The following STAR variants were observed in gnomAD, a reference collection of about 807,000 sequenced individuals.
The protein encoded by STAR is steroidogenic acute regulatory protein, mitochondrial.
Under a neutral mutation model 32.3 loss-of-function variants are expected in STAR, and 32 were observed. The observed-to-expected ratio is 0.99, with a 90% confidence interval of 0.75 to 1.33. The LOEUF is 1.33. STAR is among the 40% of genes most tolerant of loss of function. The pLI, the probability that STAR is intolerant of heterozygous loss-of-function variation, is 0.00. For missense variants in STAR, 375 were observed against 379.0 expected, an observed-to-expected ratio of 0.99 and a Z score of 0.09; for synonymous variants, 134 against 140.5, an observed-to-expected ratio of 0.95 and a Z score of 0.33.
At chr8:38,146,738 G>A (rs956248243) in intron 3 of STAR, among the ~76,000 whole-genome samples, 18 of 151,098 alleles carry the variant, frequency 1.2e-4, no homozygotes, top group Non-Finnish European at 1.9e-4. Context: ...TTGCACCACT[G>A]CACTCCAGCC....
intron 3 of STAR, among the ~76,000 whole-genome samples, chr8:38,147,010 G>A (rs1802586902): frequency 6.7e-6 from 1 of 149,442 alleles, no homozygotes; most frequent in African/African-American, 2.5e-5. Context: ...TTTTTTTTGA[G>A]ACCGTCTCAC....
intron 1 of STAR, among the ~76,000 whole-genome samples, chr8:38,149,473 C>T (rs35859573): frequency 0.018 from 2,788 of 152,292 alleles, 43 homozygotes; most frequent in Middle Eastern, 0.031. Flanking sequence ...CTGGTTTCTG[C>T]CCCTTCCTGG....
Position 38,145,331 on chromosome 8 carries a change from G to A in STAR, c.651-16C>T, listed in dbSNP as rs1361943919. 5 of 1,614,050 alleles carry A rather than the reference G, an allele frequency of 3.1e-6. No individual in the cohort carries two copies. Among genetic ancestry groups the A allele is most frequent in the African/African-American group, 2.7e-5 (2 of 75,068 alleles). On this transcript the variant is annotated splice_polypyrimidine_tract_variant and intron_variant, in intron 5 of 6. Coordinates refer to ENST00000276449, the MANE Select transcript of STAR (RefSeq NM_000349.3). ...GTGCTCCGCCCTGGCAAATGGAGAA[G>A]TCAAGTCAGGAGGACAGTTGCGAGT...
chr8:38,145,028 A>G (rs903700935), intron 6 of STAR, 194 bp downstream of exon 6: 2 of 1,354,346 alleles, frequency 1.5e-6, no homozygotes, highest in African/African-American at 1.6e-5. Flanking sequence ...AAAAAAAAAA[A>G]AGAAGAGGGG....
intron 5 of STAR, 41 bp downstream of exon 5, chr8:38,145,922 G>A: frequency 6.2e-7 from 1 of 1,611,716 alleles, no homozygotes; most frequent in Non-Finnish European, 8.5e-7. Context: ...CTGCAGGCCT[G>A]TGTTAGAAGA....
At chr8:38,149,459 G>A (rs766717086) in intron 1 of STAR, among the ~76,000 whole-genome samples, 1 of 152,190 alleles carries the variant, frequency 6.6e-6, no homozygotes, top group Admixed American at 6.5e-5. Context: ...GTGGCCTCTT[G>A]TAGCTGGTTT....
At chr8:38,145,733 A>T in intron 5 of STAR, 1 of 615,246 alleles carries the variant, frequency 1.6e-6, no homozygotes, top group East Asian at 2.8e-5. Flanking sequence ...GAAAATTATT[A>T]AGGTTCTTAA....
At chr8:38,145,862 G>A in intron 5 of STAR, 101 bp downstream of exon 5, 1 of 1,453,110 alleles carries the variant, frequency 6.9e-7, no homozygotes, top group Non-Finnish European at 9.6e-7. Context: ...GGTGCACCAA[G>A]GGTTGGTTTC....
Position 38,145,979 on chromosome 8 carries a change from G to GC in STAR, c.633dup (p.Gln212AlafsTer25). ...CCGTATTACCTGATGACACCCTTCT[G>GC]CTCAGGCATGTTCCCGAAGTCTGTG... is the stretch of plus-strand genomic sequence containing the variant. On this transcript the variant is annotated frameshift_variant, in exon 5 of 7. Transcript: ENST00000276449. LOFTEE classifies it high-confidence loss of function. The GC allele has an allele frequency of 6.2e-7, 1 of 1,614,106 alleles. No individual in the cohort carries two copies. Among genetic ancestry groups the GC allele is most frequent in the South Asian group, 1.1e-5 (1 of 91,082 alleles).
At chr8:38,146,608 T>G (rs1233632728) in intron 3 of STAR, among the ~76,000 whole-genome samples, 161 bp from the exon 4 acceptor site, 1 of 151,988 alleles carries the variant, frequency 6.6e-6, no homozygotes, top group Non-Finnish European at 1.5e-5. Context: ...AAACCCCGTC[T>G]CTACTAAAAC....
In STAR at chr8:38,146,069, G is replaced by A. The variant is rs369232492; in HGVS notation, c.544C>T (p.Arg182Cys). 33 of 1,614,098 alleles carry A rather than the reference G, an allele frequency of 2.0e-5. No homozygotes were observed. Among genetic ancestry groups the A allele is most frequent in the Non-Finnish European group, 2.5e-5 (29 of 1,180,042 alleles). ...GCACAGCGCACGCTCACAAAGTCAC[G>A]GGGCCCCACCAGGTTTCCTGCTGCC... is the stretch of plus-strand genomic sequence containing the variant. ...AEAAGNLVGP[R>C]DFVSVRCAKR... is the part of the protein sequence containing the mutation. The change falls in exon 5 of 7, where the codon CGT (arginine) becomes TGT (cysteine). Residue 182 changes from arginine to cysteine, a missense_variant. Physicochemically the swap from Arg to Cys is radical, Grantham distance 180 (BLOSUM62 -3). Coordinates refer to ENST00000276449, the MANE Select transcript of STAR (RefSeq NM_000349.3).
intron 1 of STAR, 65 bp downstream of exon 1, chr8:38,150,690 G>C (rs1409621155): frequency 1.9e-6 from 3 of 1,600,780 alleles, no homozygotes; most frequent in Non-Finnish European, 2.5e-6. Flanking sequence ...TCAGAATTGG[G>C]TGGCCTGAGC....
chr8:38,150,494 A>G (rs962342086), intron 1 of STAR, among the ~76,000 whole-genome samples: 2 of 152,090 alleles, frequency 1.3e-5, no homozygotes, highest in African/African-American at 4.8e-5. Flanking sequence ...GGGAAGGAAG[A>G]AAGAAAAAGA....
chr8:38,144,901 C>G (rs1427276288), intron 6 of STAR: 11 of 832,908 alleles, frequency 1.3e-5, no homozygotes, highest in Non-Finnish European at 1.8e-5. Context: ...TCCAGCTACT[C>G]AGGAGGCTGA....
At chr8:38,145,681 C>T (rs1470012808) in intron 5 of STAR, 3 of 571,396 alleles carry the variant, frequency 5.3e-6, no homozygotes, top group Admixed American at 6.1e-5. Flanking sequence ...TACAGCTGTT[C>T]CTGAGCGTAC....
rs760323373 is a variant in STAR at position 38,144,867 on chromosome 8, T to C, written c.744+355A>G. On this transcript the variant is annotated intron_variant, in intron 6 of 6. Coordinates refer to ENST00000276449, the MANE Select transcript of STAR (RefSeq NM_000349.3). ...CTACTAAAAATACAAAAATTAGCCA[T>C]GTGTGGTGGCACACGCCTGTAGTTC... The C allele has an allele frequency of 1.3e-3, 828 of 621,214 alleles. 1 individual carries two copies. The highest frequency in any genetic ancestry group is 1.8e-3 in the Non-Finnish European group (759 of 423,872). 38.5% of individuals were successfully genotyped at this position (621,214 alleles called of 1,614,324 possible). A position where few individuals can be genotyped will look rare whatever the true frequency, so the allele number is the denominator to read the frequency against.
Position 38,142,747 on chromosome 8 carries a change from C to G in STAR, c.*1526G>C, listed in dbSNP as rs1802489615. On this transcript the variant is annotated 3_prime_UTR_variant, in exon 7 of 7. Coordinates refer to ENST00000276449, the MANE Select transcript of STAR (RefSeq NM_000349.3). ...TTCTCCATGTTAGTCAGGCTGGTCT[C>G]CTGCCCTCAGGTGATTGCCTGCCTT... 6.6e-6 allele frequency among the ~76,000 whole-genome samples: 1 copy of G among 151,970 alleles called. No homozygotes were observed. The highest frequency in any genetic ancestry group is 2.1e-4 in the South Asian group (1 of 4,824).
At chr8:38,145,885 A>T (rs1802559823) in intron 5 of STAR, 78 bp downstream of exon 5, 23 of 1,578,352 alleles carry the variant, frequency 1.5e-5, no homozygotes, top group South Asian at 2.2e-5. Flanking sequence ...GGAGCTGGGG[A>T]TGCAGTCCAC....
intron 2 of STAR, 155 bp downstream of exon 2, chr8:38,148,486 A>G (rs1210530423): frequency 7.3e-7 from 1 of 1,368,226 alleles, no homozygotes; most frequent in Admixed American, 1.9e-5. Flanking sequence ...GCCCCAGGTG[A>G]CCAGAGAGGG....
Sources: allele counts gnomAD v4.1 joint callset (sites outside exome capture counted in the v4.1 genomes callset), GRCh38; gene constraint gnomAD v4.1.1; transcripts MANE v1.5; gene names NCBI Gene and HGNC (gene_info 2026-07-23, HGNC 2026-07-21).